Variants in TIGAR observed in about 807,000 individuals in gnomAD.
TIGAR encodes fructose-2,6-bisphosphatase TIGAR.
Under a neutral mutation model 17.9 loss-of-function variants are expected in TIGAR, and 7 were observed. That is an observed-to-expected ratio of 0.39 (90% CI 0.22 to 0.73). The LOEUF (loss-of-function observed/expected upper bound fraction) is 0.73. TIGAR is among the 30% of genes least tolerant of loss of function. TIGAR has a pLI of 0.42. For synonymous variants in TIGAR, 94 were observed against 108.6 expected (o/e 0.87, Z 0.84); for missense variants, 258 against 327.4 (o/e 0.79, Z 1.64).
intron 1 of TIGAR, among the ~76,000 whole-genome samples, chr12:4,327,382 C>T (rs1170769627): frequency 6.6e-6 from 1 of 150,700 alleles, no homozygotes; most frequent in Non-Finnish European, 1.5e-5. Context: ...GCACTCCAGC[C>T]TGGGCTGCAG....
Position 4,321,240 on chromosome 12 carries a change from C to G in TIGAR, c.-32C>G, listed in dbSNP as rs371293733. On this transcript the variant is annotated 5_prime_UTR_variant, in exon 1 of 6. Coordinates refer to ENST00000179259, the MANE Select transcript of TIGAR (RefSeq NM_020375.3). This position sits in a 1 kb window ranked among gnomAD's most constrained non-coding sequence, Gnocchi z 5.2. ...CCCGCAGTGCAGGGGCAGCGCGGCG[C>G]GGGGCCACCGACGGGACGCGGCTCC... 26 of 1,599,762 alleles carry G rather than the reference C, an allele frequency of 1.6e-5. No homozygotes were observed. The African/African-American group carries it at 2.8e-4, about 17-fold the overall frequency.
chr12:4,349,706 C>T (rs1467172210), intron 3 of TIGAR, 113 bp from the exon 4 acceptor site: 16 of 840,408 alleles, frequency 1.9e-5, no homozygotes, highest in African/African-American at 1.6e-4. Context: ...TGTGAGCCAC[C>T]GTGCCTGGTT....
At chr12:4,331,214 T>C (rs1864600218) in intron 1 of TIGAR, 66 bp from the exon 2 acceptor site, 4 of 1,422,402 alleles carry the variant, frequency 2.8e-6, no homozygotes, top group Admixed American at 3.4e-5. Flanking sequence ...TGATTGCTCA[T>C]TTTTTTCCTC....
chr12:4,339,950 C>T (rs549589854), intron 3 of TIGAR, among the ~76,000 whole-genome samples: 7 of 152,216 alleles, frequency 4.6e-5, no homozygotes, highest in South Asian at 4.1e-4. Context: ...AATAGACCCA[C>T]AGCTTATGTC....
chr12:4,338,974 TCA>T (rs1491208914), intron 3 of TIGAR, among the ~76,000 whole-genome samples: 219 of 8,516 alleles, frequency 0.026, 9 homozygotes, highest in African/African-American at 0.06. Flanking sequence ...AAACTTTGTC[TCA>T]CAAAAAAAAA....
chr12:4,322,003 T>TATTTTTA (rs66740935), intron 1 of TIGAR, among the ~76,000 whole-genome samples: 11 of 151,548 alleles, frequency 7.3e-5, no homozygotes, highest in South Asian at 4.1e-4. Context: ...TTTTTATTTT[T>TATTTTTA]TTTTTTTTGT....
At chr12:4,342,631 A>G (rs1375376360) in intron 3 of TIGAR, among the ~76,000 whole-genome samples, 4 of 152,308 alleles carry the variant, frequency 2.6e-5, no homozygotes, top group South Asian at 4.1e-4. Context: ...ATATCCAGCC[A>G]AACTAAGCTT....
Position 4,355,379 on chromosome 12 carries a change from T to A in TIGAR, c.*2688T>A, listed in dbSNP as rs1864888807. On this transcript the variant is annotated 3_prime_UTR_variant, in exon 6 of 6. Transcript: ENST00000179259. ...GTGGACTCTTTTAGTTATCTGTGTA[T>A]TTCCTTATCAGTGTCATACTTAGTT... Among the ~76,000 whole-genome samples the A allele has an allele frequency of 6.6e-6, 1 of 152,212 alleles. No individual in the cohort carries two copies. Among genetic ancestry groups the A allele is most frequent in the South Asian group, 2.1e-4 (1 of 4,832 alleles).
chr12:4,352,652 C>T lies in TIGAR; in HGVS notation c.774C>T (p.Asn258=). ...CAACGGTTCAGTGTATTTGTATGAACCTACAGGATCATCTAAATGGACTGA... is the reference window on the plus strand; with the variant it reads ...CAACGGTTCAGTGTATTTGTATGAATCTACAGGATCATCTAAATGGACTGA... ...VKPTVQCICM[N]LQDHLNGLTE... is the part of the protein sequence containing the mutation. The change falls in exon 6 of 6, where the codon AAC becomes AAT. Residue 258 remains asparagine (N), a synonymous_variant. Transcript: ENST00000179259. 1 of 1,604,034 alleles carries T rather than the reference C, an allele frequency of 6.2e-7. No homozygotes were observed. Among genetic ancestry groups the T allele is most frequent in the South Asian group, 1.1e-5 (1 of 91,080 alleles).
rs762394950 is a variant in TIGAR at position 4,321,265 on chromosome 12, C to T, written c.-7C>T. ...CGGGGCCACCGACGGGACGCGGCTC[C>T]GGGAACATGGCTCGCTTCGCTCTGA... On this transcript the variant is annotated 5_prime_UTR_variant, in exon 1 of 6. Coordinates refer to ENST00000179259, the MANE Select transcript of TIGAR (RefSeq NM_020375.3). This position sits in a 1 kb window ranked among gnomAD's most constrained non-coding sequence, Gnocchi z 5.2. 1 of 1,601,066 alleles carries T rather than the reference C, an allele frequency of 6.2e-7. No homozygotes were observed. Among genetic ancestry groups the T allele is most frequent in the Admixed American group, 1.7e-5 (1 of 60,026 alleles).
intron 3 of TIGAR, among the ~76,000 whole-genome samples, chr12:4,347,292 G>C (rs1040746939): frequency 2.0e-5 from 3 of 152,196 alleles, no homozygotes; most frequent in East Asian, 3.9e-4. Context: ...AAGTAAGCCA[G>C]GCACAGAAAG....
intron 2 of TIGAR, among the ~76,000 whole-genome samples, chr12:4,332,073 C>G (rs543812732): frequency 9.2e-4 from 140 of 152,178 alleles, no homozygotes; most frequent in Non-Finnish European, 1.5e-3. Context: ...GGACTGAAGC[C>G]TCTTACCACC....
At chr12:4,338,770 G>A (rs1864686807) in intron 3 of TIGAR, among the ~76,000 whole-genome samples, 1 of 151,928 alleles carries the variant, frequency 6.6e-6, no homozygotes, top group South Asian at 2.1e-4. Flanking sequence ...CTGAGCTCAG[G>A]AGTTCAAGAC....
chr12:4,345,107 G>C (rs1591664366), intron 3 of TIGAR, among the ~76,000 whole-genome samples: 1 of 152,200 alleles, frequency 6.6e-6, no homozygotes. Context: ...TGAAATAAAA[G>C]AGGACACAAA....
At position 4,332,909 on chromosome 12, in the gene TIGAR, G is replaced by A. The variant is rs145977068; in HGVS notation, c.70+1592G>A. ...ATGTCCTAAATATCAATTTATGAGT[G>A]CAGTATTTTTAATTTCCTGCTGCAG... On this transcript the variant is annotated intron_variant, in intron 2 of 5. Transcript: ENST00000179259. Among the ~76,000 whole-genome samples the A allele has an allele frequency of 2.1e-3, 315 of 152,234 alleles. 1 individual carries two copies. The highest frequency in any genetic ancestry group is 7.1e-3 in the African/African-American group (294 of 41,544).
chr12:4,346,070 C>A (rs1460256042), intron 3 of TIGAR, among the ~76,000 whole-genome samples: 1 of 152,194 alleles, frequency 6.6e-6, no homozygotes, highest in East Asian at 1.9e-4. Flanking sequence ...CGTCTCACAC[C>A]AGTTAGAATG....
rs928741904 is a variant in TIGAR at position 4,321,992 on chromosome 12, A to AT, written c.32+694dup. Among the ~76,000 whole-genome samples, 1 of 114,942 alleles carries AT rather than the reference A, an allele frequency of 8.7e-6. No individual in the cohort carries two copies. Among genetic ancestry groups the AT allele is most frequent in the African/African-American group, 3.1e-5 (1 of 32,436 alleles). The allele number at this position is 114,942 out of a possible 152,430, so 75.4% of individuals were successfully genotyped here. ...AGGGTAGTTAAGAGCACAGATTTTT[A>AT]TTTTTATTTTTTTTTTTTTGTGAGA... is the stretch of plus-strand genomic sequence containing the variant. On this transcript the variant is annotated intron_variant, in intron 1 of 5. Transcript: ENST00000179259. The surrounding 1 kb of genome is among the most constrained non-coding windows in gnomAD (Gnocchi z 5.2).
At chr12:4,327,694 G>A (rs1187318289) in intron 1 of TIGAR, among the ~76,000 whole-genome samples, 5 of 152,294 alleles carry the variant, frequency 3.3e-5, no homozygotes, top group Admixed American at 1.3e-4. Flanking sequence ...ACTGTCTAGC[G>A]AGGATGTTAC....
intron 1 of TIGAR, chr12:4,324,562 A>G (rs1024079712): frequency 3.1e-6 from 5 of 1,606,494 alleles, no homozygotes; most frequent in Non-Finnish European, 4.2e-6. Context: ...CAGGATGATC[A>G]TGTCCCGCAG....
Sources: allele counts gnomAD v4.1 joint callset (sites outside exome capture counted in the v4.1 genomes callset), GRCh38; gene constraint gnomAD v4.1.1; non-coding constraint Gnocchi (gnomAD v3.1); transcripts MANE v1.5; gene names NCBI Gene and HGNC (gene_info 2026-07-23, HGNC 2026-07-21).